Variants in PRTG observed in about 807,000 individuals in gnomAD.
PRTG encodes immunoglobulin superfamily, DCC subclass, member 5.
Under a neutral mutation model 122.5 loss-of-function variants are expected in PRTG, and 67 were observed. That is an observed-to-expected ratio of 0.55 (90% CI 0.45 to 0.67). PRTG has a LOEUF of 0.67. Among genes scored for constraint, PRTG ranks in the 30% least tolerant of loss-of-function variants. The pLI, the probability that PRTG is intolerant of heterozygous loss-of-function variation, is 0.00. For missense variants in PRTG, 1,435 were observed against 1,415.4 expected, an observed-to-expected ratio of 1.01 and a Z score of -0.22; for synonymous variants, 554 against 501.1, an observed-to-expected ratio of 1.11 and a Z score of -1.41.
rs550761981 is a variant in PRTG, at chr15:55,711,039, T to C, written c.398-27108A>G. ...CTCCTGCCTCAGCTTCACGAGTAGC[T>C]GGGATTACAGGCGCCTGCCACCACA... On this transcript the variant is annotated intron_variant, in intron 2 of 19. Transcript: ENST00000389286. 1.3e-4 allele frequency among the ~76,000 whole-genome samples: 19 copies of C among 151,752 alleles called. No individual in the cohort carries two copies. The South Asian group carries it at 2.3e-3, about 18-fold the overall frequency.
At chr15:55,709,861 G>A (rs1283443649) in intron 2 of PRTG, among the ~76,000 whole-genome samples, 1 of 152,184 alleles carries the variant, frequency 6.6e-6, no homozygotes, top group East Asian at 1.9e-4. Flanking sequence ...GGGGAGGAGG[G>A]AGGGACTCCA....
rs760195727 is a variant in PRTG at position 55,677,925 on chromosome 15, C to T, written c.1253G>A (p.Arg418Lys). Residue 418 changes from arginine to lysine, a missense_variant, in exon 8 of 20, where the codon AGA becomes AAA. Coordinates refer to ENST00000389286, the MANE Select transcript of PRTG (RefSeq NM_173814.6). ...ARLTVVMSED[R>K]PSAPYNVHAE... is the part of the protein sequence containing the mutation. ...ATGTACATTATAGGGAGCACTGGGT[C>T]TGTCTTCTGACATCACTACAGTCAG... 6.2e-7 allele frequency: 1 copy of T among 1,613,986 alleles called. No individual in the cohort carries two copies. Among genetic ancestry groups the T allele is most frequent in the South Asian group, 1.1e-5 (1 of 91,072 alleles).
chr15:55,742,471 AC>A, intron 1 of PRTG: 1 of 216,042 alleles, frequency 4.6e-6, no homozygotes, highest in Non-Finnish European at 9.1e-6. Flanking sequence ...CGGGCTGGCG[AC>A]CCGGAGTCCG....
chr15:55,639,674 C>T lies in PRTG; in HGVS notation c.2292G>A (p.Leu764=). The change falls in exon 13 of 20, where the codon CTG becomes CTA. Residue 764 remains leucine, a synonymous_variant. Transcript: ENST00000389286. ...GGTACAGAACCAAAGAAGCATTCTG[C>T]AGGCCAACAGGATTACAGCGGATGG... ...NYTIRCNPVG[L]QNASLVLYLQ... 1.2e-6 allele frequency: 2 copies of T among 1,614,034 alleles called. No individual in the cohort carries two copies. The highest frequency in any genetic ancestry group is 1.7e-6 in the Non-Finnish European group (2 of 1,180,002).
intron 2 of PRTG, among the ~76,000 whole-genome samples, chr15:55,733,484 T>C (rs1321078793): frequency 1.5e-5 from 2 of 132,400 alleles, no homozygotes; most frequent in Non-Finnish European, 3.1e-5. Context: ...CACTCCAGCC[T>C]GGGCAACAAG....
intron 2 of PRTG, among the ~76,000 whole-genome samples, chr15:55,738,002 C>T (rs8035477): frequency 5.2e-5 from 5 of 96,678 alleles, no homozygotes; most frequent in African/African-American, 1.9e-4. Flanking sequence ...CTCTCTCTCT[C>T]TATATATATA....
intron 2 of PRTG, among the ~76,000 whole-genome samples, chr15:55,728,580 T>G (rs2031121161): frequency 6.6e-6 from 1 of 152,040 alleles, no homozygotes; most frequent in Non-Finnish European, 1.5e-5. Flanking sequence ...CTTAGAAAAC[T>G]AGGAAGAGAA....
At chr15:55,640,980 C>T (rs182162267) in intron 12 of PRTG, 133 bp downstream of exon 12, 22 of 625,976 alleles carry the variant, frequency 3.5e-5, no homozygotes, top group South Asian at 1.5e-4. Context: ...AAAAAAACTA[C>T]GCTATACAGC....
Position 55,620,116 on chromosome 15 carries a change from T to C in PRTG, c.3349A>G (p.Ser1117Gly), listed in dbSNP as rs768468286. ...TCCCCAGTCTCATGGCTGCCTTCAC[T>C]ATTTGCTGAATGTTCTGTATCAGCT... Reference protein sequence around the residue: ...VAADTEHSANSEGSHETGDSG... With the variant: ...VAADTEHSANGEGSHETGDSG... The change falls in exon 20 of 20, where the codon AGT becomes GGT. Residue 1117 changes from serine to glycine, a missense_variant. Coordinates refer to ENST00000389286, the MANE Select transcript of PRTG (RefSeq NM_173814.6). 1.9e-6 allele frequency: 3 copies of C among 1,614,206 alleles called. No homozygotes were observed. Among genetic ancestry groups the C allele is most frequent in the Non-Finnish European group, 2.5e-6 (3 of 1,180,034 alleles).
At chr15:55,728,897 G>A (rs1295029726) in intron 2 of PRTG, among the ~76,000 whole-genome samples, 2 of 152,164 alleles carry the variant, frequency 1.3e-5, no homozygotes, top group African/African-American at 4.8e-5. Context: ...ATTCAGAAGA[G>A]TTTTAGAGTA....
intron 17 of PRTG, among the ~76,000 whole-genome samples, chr15:55,624,978 A>G (rs1394020489): frequency 6.6e-6 from 1 of 152,226 alleles, no homozygotes; most frequent in Non-Finnish European, 1.5e-5. Flanking sequence ...AGGCAATTCA[A>G]TACACACAAA....
chr15:55,737,973 C>A (rs1242192099), intron 2 of PRTG, among the ~76,000 whole-genome samples: 1 of 108,712 alleles, frequency 9.2e-6, no homozygotes, highest in East Asian at 3.4e-4. Flanking sequence ...CACTTAATGC[C>A]TATTCTCTCT....
intron 2 of PRTG, among the ~76,000 whole-genome samples, chr15:55,739,380 T>C (rs1445007387): frequency 6.6e-6 from 1 of 151,914 alleles, no homozygotes; most frequent in Non-Finnish European, 1.5e-5. Flanking sequence ...GATTACAGGC[T>C]AGCCACCAGC....
At chr15:55,728,829 T>A (rs2141880070) in intron 2 of PRTG, among the ~76,000 whole-genome samples, 1 of 152,314 alleles carries the variant, frequency 6.6e-6, no homozygotes, top group East Asian at 1.9e-4. Flanking sequence ...GATTATATGA[T>A]CCTATTTACA....
chr15:55,737,607 T>A (rs1039273701), intron 2 of PRTG, among the ~76,000 whole-genome samples: 5 of 152,196 alleles, frequency 3.3e-5, no homozygotes, highest in Non-Finnish European at 7.4e-5. Context: ...ATGAGGGTCA[T>A]CTGCTCTTTA....
chr15:55,622,982 T>C (rs2059175208), intron 18 of PRTG, among the ~76,000 whole-genome samples: 2 of 152,228 alleles, frequency 1.3e-5, no homozygotes, highest in East Asian at 1.9e-4. Context: ...CAAATATTCA[T>C]TTATTCATAT....
intron 11 of PRTG, among the ~76,000 whole-genome samples, chr15:55,644,460 G>C (rs1044906168): frequency 6.6e-6 from 1 of 152,090 alleles, no homozygotes; most frequent in Admixed American, 6.6e-5. Flanking sequence ...GATTCTTCAA[G>C]TTTTCCCTTC....
chr15:55,726,898 A>C (rs2031053311), intron 2 of PRTG, among the ~76,000 whole-genome samples: 1 of 151,380 alleles, frequency 6.6e-6, no homozygotes, highest in African/African-American at 2.4e-5. Context: ...CAGTGAGCCG[A>C]GATCACGCCA....
At chr15:55,658,735 T>G (rs1309889612) in intron 11 of PRTG, among the ~76,000 whole-genome samples, 1 of 152,206 alleles carries the variant, frequency 6.6e-6, no homozygotes, top group African/African-American at 2.4e-5. Context: ...AAGTTGTATA[T>G]TAATTTACAT....
Sources: allele counts gnomAD v4.1 joint callset (sites outside exome capture counted in the v4.1 genomes callset), GRCh38; gene constraint gnomAD v4.1.1; transcripts MANE v1.5; gene names NCBI Gene and HGNC (gene_info 2026-07-23, HGNC 2026-07-21).